The following TP63 variants were observed in gnomAD, a reference collection of about 807,000 sequenced individuals.
TP63 encodes tumor protein p63.
Under a neutral mutation model 82.8 loss-of-function variants are expected in TP63, and 17 were observed. The ratio of observed to expected loss-of-function variants is 0.21; its 90% confidence interval spans 0.14 to 0.31. TP63 has a LOEUF of 0.31. Ranked by LOEUF, TP63 falls within the 10% of genes least tolerant of loss-of-function variation. The probability of loss-of-function intolerance (pLI) is 1.00; values close to 1 mark genes in which losing one functional copy is unlikely to be tolerated. For synonymous variants in TP63, 330 were observed against 321.7 expected (o/e 1.03, Z -0.28); for missense variants, 648 against 895.3 (o/e 0.72, Z 3.52).
chr3:189,817,620 C>G (rs974406078), intron 4 of TP63, among the ~76,000 whole-genome samples: 3 of 151,978 alleles, frequency 2.0e-5, no homozygotes, highest in African/African-American at 7.2e-5. Context: ...TGTATCATAA[C>G]GATGCTTACA....
intron 1 of TP63, among the ~76,000 whole-genome samples, chr3:189,736,157 ATATC>A (rs1320140019): frequency 2.7e-5 from 4 of 148,572 alleles, no homozygotes; most frequent in Admixed American, 6.7e-5. Flanking sequence ...ATATATAAAT[ATATC>A]TATATTATTT....
chr3:189,724,786 G>A (rs1176132375), intron 1 of TP63, among the ~76,000 whole-genome samples: 3 of 152,098 alleles, frequency 2.0e-5, no homozygotes, highest in South Asian at 2.1e-4. Flanking sequence ...GAACACCTTC[G>A]TGCTGAGCAC....
chr3:189,881,438 G>T (rs967232413), intron 10 of TP63: 41 of 985,122 alleles, frequency 4.2e-5, no homozygotes, highest in Non-Finnish European at 4.8e-5. Flanking sequence ...TGTTATTGAG[G>T]CTGTTGCTTT....
At chr3:189,684,479 A>G (rs1277316234) in intron 1 of TP63, among the ~76,000 whole-genome samples, 1 of 152,198 alleles carries the variant, frequency 6.6e-6, no homozygotes, top group Non-Finnish European at 1.5e-5. Context: ...AGTATGAATA[A>G]GACTGTGTTC....
intron 11 of TP63, among the ~76,000 whole-genome samples, chr3:189,888,459 T>C (rs761305147): frequency 6.6e-6 from 1 of 152,240 alleles, no homozygotes; most frequent in Non-Finnish European, 1.5e-5. Flanking sequence ...CTTTTTTTCT[T>C]ATTTGTACTT....
intron 3 of TP63, among the ~76,000 whole-genome samples, chr3:189,801,633 G>C (rs1207681982): frequency 1.3e-5 from 2 of 152,064 alleles, no homozygotes; most frequent in Admixed American, 6.6e-5. Context: ...TGTGTCAAAT[G>C]TTTGTTGACA....
intron 3 of TP63, among the ~76,000 whole-genome samples, chr3:189,739,973 T>C (rs1331951886): frequency 6.6e-6 from 1 of 152,158 alleles, no homozygotes; most frequent in East Asian, 1.9e-4. Flanking sequence ...ATTTTTGCTA[T>C]GTACTTTTTG....
chr3:189,703,294 C>G (rs538241855), intron 1 of TP63, among the ~76,000 whole-genome samples: 1 of 152,104 alleles, frequency 6.6e-6, no homozygotes, highest in African/African-American at 2.4e-5. Flanking sequence ...ATTAGCTGGT[C>G]GTGGGGGCAT....
At chr3:189,613,153 C>A in the TP63 span, among the ~76,000 whole-genome samples, 1 of 152,182 alleles carries the variant, frequency 6.6e-6, no homozygotes, top group Admixed American at 6.5e-5. Context: ...CAGGCCATGT[C>A]AGAGGCCTTT....
At chr3:189,864,525 T>C (rs1393560981) in intron 5 of TP63, 107 bp downstream of exon 5, 5 of 854,192 alleles carry the variant, frequency 5.9e-6, no homozygotes, top group East Asian at 6.1e-5. Flanking sequence ...TGCACTCCGA[T>C]GGCAGATCAG....
At position 189,748,346 on chromosome 3, in the gene TP63, T is replaced by C. The variant is rs192655000; in HGVS notation, c.324+9572T>C. ...AAATGAATTCAATATAGTTGCAGGA[T>C]ACAAAAATCAAAATACAAAAATCAG... On this transcript the variant is annotated intron_variant, in intron 3 of 13. Coordinates refer to ENST00000264731, the MANE Select transcript of TP63 (RefSeq NM_003722.5). Among the ~76,000 whole-genome samples, 40 of 151,876 alleles carry C rather than the reference T, an allele frequency of 2.6e-4. 1 individual carries two copies. The South Asian group carries it at 5.4e-3, about 20-fold the overall frequency.
intron 13 of TP63, among the ~76,000 whole-genome samples, chr3:189,893,847 A>G (rs1039184251): frequency 5.9e-5 from 9 of 152,186 alleles, no homozygotes; most frequent in Admixed American, 3.9e-4. Flanking sequence ...CATTCCATTA[A>G]TACCTTTCTT....
chr3:189,648,579 A>C (rs1712616167), intron 1 of TP63, among the ~76,000 whole-genome samples: 1 of 147,274 alleles, frequency 6.8e-6, no homozygotes, highest in South Asian at 2.2e-4. Flanking sequence ...TGAGTGAAAA[A>C]CAAGCTTATT....
intron 1 of TP63, among the ~76,000 whole-genome samples, chr3:189,672,983 G>A (rs182889321): frequency 7.0e-4 from 106 of 152,152 alleles, no homozygotes; most frequent in Admixed American, 2.9e-3. Flanking sequence ...TGGAATTGCA[G>A]ACTCCTGCCA....
chr3:189,618,068 ATG>A, the TP63 span, among the ~76,000 whole-genome samples: 1 of 152,208 alleles, frequency 6.6e-6, no homozygotes, highest in Non-Finnish European at 1.5e-5. Context: ...ACAAATAAAA[ATG>A]TGGGATCCTT....
intron 4 of TP63, among the ~76,000 whole-genome samples, chr3:189,818,890 T>G (rs1349682543): frequency 2.0e-5 from 3 of 152,196 alleles, no homozygotes; most frequent in Non-Finnish European, 4.4e-5. Flanking sequence ...CTTCTAGACC[T>G]TTGCCTTGAT....
intron 13 of TP63, among the ~76,000 whole-genome samples, chr3:189,893,618 T>C (rs1721238702): frequency 6.6e-6 from 1 of 152,222 alleles, no homozygotes. Context: ...CGTTTCAGGT[T>C]CTGAGGATGC....
Position 189,895,691 on chromosome 3 carries a change from A to G in TP63, c.*1189A>G, listed in dbSNP as rs1721415284. 1.3e-5 allele frequency: 3 copies of G among 228,482 alleles called. No individual in the cohort carries two copies. Among genetic ancestry groups the G allele is most frequent in the Non-Finnish European group, 2.6e-5 (3 of 115,270 alleles). The allele number at this position is 228,482 out of a possible 1,614,324, so 14.2% of individuals were successfully genotyped here. On this transcript the variant is annotated 3_prime_UTR_variant, in exon 14 of 14. Coordinates refer to ENST00000264731, the MANE Select transcript of TP63 (RefSeq NM_003722.5). Reference sequence around the variant, plus strand: ...AAGCATAGATAATATTGTTTGGTAAATGTTTCTTTTGTTTGGTAAATGTTT... The same window carrying G: ...AAGCATAGATAATATTGTTTGGTAAGTGTTTCTTTTGTTTGGTAAATGTTT...
chr3:189,834,480 G>A (rs975169308), intron 4 of TP63, among the ~76,000 whole-genome samples: 18 of 152,230 alleles, frequency 1.2e-4, no homozygotes, highest in African/African-American at 3.9e-4. Context: ...ATGGACTCGC[G>A]TTTCCTCCTA....
Sources: gnomAD v4.1 joint callset for allele counts (sites outside exome capture counted in the v4.1 genomes callset) on GRCh38, gnomAD v4.1.1 for gene constraint, MANE v1.5 for transcripts, NCBI Gene and HGNC (gene_info 2026-07-23, HGNC 2026-07-21) for gene names.